Variants in ZC3H12B observed in about 807,000 individuals in gnomAD.
The protein encoded by ZC3H12B is probable ribonuclease ZC3H12B.
Under a neutral mutation model 43.9 loss-of-function variants are expected in ZC3H12B, and 7 were observed. The ratio of observed to expected loss-of-function variants is 0.16; its 90% CI spans 0.09 to 0.30. The LOEUF is 0.30. Among genes scored for constraint, ZC3H12B ranks in the 10% least tolerant of loss-of-function variants. ZC3H12B has a pLI of 1.00. For missense variants in ZC3H12B, 475 were observed against 670.2 expected (o/e 0.71, Z 3.22); for synonymous variants, 222 against 241.7 (o/e 0.92, Z 0.76).
At chrX:65,441,166 G>C (rs767335882) in intron 3 of ZC3H12B, among the ~76,000 whole-genome samples, 1 of 111,518 alleles carries the variant, frequency 9.0e-6, no homozygotes, top group Non-Finnish European at 1.9e-5. Context: ...CTCCCATTGC[G>C]GTAATAAATC....
At chrX:65,236,042 G>T in the ZC3H12B span, among the ~76,000 whole-genome samples, 1 of 111,748 alleles carries the variant, frequency 8.9e-6, no homozygotes, top group Non-Finnish European at 1.9e-5. Flanking sequence ...TAGAATGGAG[G>T]AATGCCTGCT....
chrX:65,264,975 A>G, the ZC3H12B span, among the ~76,000 whole-genome samples: 1 of 111,670 alleles, frequency 9.0e-6, no homozygotes, highest in African/African-American at 3.2e-5. Context: ...TAGGGAGGAG[A>G]AATAGTCACA....
At chrX:65,453,136 G>T (rs1201366052) in intron 3 of ZC3H12B, among the ~76,000 whole-genome samples, 1 of 106,934 alleles carries the variant, frequency 9.4e-6, no homozygotes, top group African/African-American at 3.4e-5. Flanking sequence ...AAACAGCATG[G>T]TACTGGTATA....
Position 65,475,482 on chromosome X carries a change from C to T in ZC3H12B, n.408-13164C>T, listed in dbSNP as rs1346857913. 2.8e-5 allele frequency among the ~76,000 whole-genome samples: 3 copies of T among 108,982 alleles called. No homozygotes were observed. In the East Asian group the frequency reaches 8.6e-4, roughly 31 times the overall value. The allele number at this position is 108,982 out of a possible 115,157, so 94.6% of individuals were successfully genotyped here. ...AGGACTTTGAATATATGTTCCTACTCTTTACTGGATTGCAAGATTTCTGTT... is the reference window on the plus strand; with the variant it reads ...AGGACTTTGAATATATGTTCCTACTTTTTACTGGATTGCAAGATTTCTGTT... On this transcript the variant is annotated intron_variant and non_coding_transcript_variant, in intron 3 of 5. Transcript: ENST00000617377.
At chrX:65,128,967 T>G in the ZC3H12B span, among the ~76,000 whole-genome samples, 3 of 111,213 alleles carry the variant, frequency 2.7e-5, no homozygotes, top group Non-Finnish European at 3.8e-5. Context: ...GGTGGCATAT[T>G]GTTAGGTCAT....
At chrX:65,144,247 G>T in the ZC3H12B span, among the ~76,000 whole-genome samples, 1 of 111,045 alleles carries the variant, frequency 9.0e-6, no homozygotes, top group African/African-American at 3.3e-5. Context: ...TCTCTTCTAG[G>T]TTTTCTAGTT....
At chrX:65,232,220 GAC>G in the ZC3H12B span, among the ~76,000 whole-genome samples, 3 of 111,045 alleles carry the variant, frequency 2.7e-5, no homozygotes, top group Non-Finnish European at 5.7e-5. Context: ...CAGCCTGGGT[GAC>G]AGAGTAAGAC....
the ZC3H12B span, among the ~76,000 whole-genome samples, chrX:65,325,145 T>G: frequency 9.0e-6 from 1 of 111,312 alleles, no homozygotes; most frequent in East Asian, 2.8e-4. Flanking sequence ...GGAATACCTT[T>G]TTCTATTCTT....
At chrX:65,488,699 G>T (rs1294036521), upstream of ZC3H12B, 8 of 1,013,914 alleles carry the variant, frequency 7.9e-6, no homozygotes, top group Non-Finnish European at 1.0e-5. Flanking sequence ...TTGCACCATC[G>T]CTACCACGAC....
the ZC3H12B span, among the ~76,000 whole-genome samples, chrX:65,075,672 T>C: frequency 6.3e-5 from 7 of 111,638 alleles, no homozygotes; most frequent in Non-Finnish European, 1.1e-4. Flanking sequence ...GGGAGTATGG[T>C]GAGTGAGTGC....
At chrX:65,442,644 G>C (rs997035432) in intron 3 of ZC3H12B, among the ~76,000 whole-genome samples, 1 of 112,163 alleles carries the variant, frequency 8.9e-6, no homozygotes, top group African/African-American at 3.2e-5. Context: ...GCAGGAGTTA[G>C]ACAAGCTCGA....
chrX:65,185,268 G>C, the ZC3H12B span: 8 of 111,931 alleles, frequency 7.1e-5, no homozygotes, highest in Non-Finnish European at 1.3e-4. Flanking sequence ...CTTCAAATCT[G>C]CCTTTAAGAC....
At chrX:65,056,139 A>G in the ZC3H12B span, among the ~76,000 whole-genome samples, 1 of 111,377 alleles carries the variant, frequency 9.0e-6, no homozygotes, top group Non-Finnish European at 1.9e-5. Flanking sequence ...TAGCTTTTGA[A>G]CGTGTTTGCT....
chrX:65,159,091 G>A, the ZC3H12B span, among the ~76,000 whole-genome samples: 8 of 111,422 alleles, frequency 7.2e-5, no homozygotes, highest in Admixed American at 9.6e-5. Flanking sequence ...GTAGATATGC[G>A]GCATTATTTC....
At chrX:65,115,036 A>C in the ZC3H12B span, among the ~76,000 whole-genome samples, 2 of 100,647 alleles carry the variant, frequency 2.0e-5, no homozygotes, top group Non-Finnish European at 3.9e-5. Flanking sequence ...TAGGGGGCAC[A>C]TGAAATTTTT....
chrX:65,489,537 C>A, intron 1 of ZC3H12B, 128 bp downstream of exon 6: 1 of 839,041 alleles, frequency 1.2e-6, no homozygotes, highest in African/African-American at 2.0e-5. Flanking sequence ...TGAAGGTGGC[C>A]AGAGACTAAA....
chrX:65,351,004 C>T, the ZC3H12B span, among the ~76,000 whole-genome samples: 22 of 111,808 alleles, frequency 2.0e-4, no homozygotes, highest in South Asian at 1.9e-3. Flanking sequence ...AAAAAGAGCA[C>T]GCATAAACAA....
At chrX:65,162,263 A>T in the ZC3H12B span, among the ~76,000 whole-genome samples, 3 of 110,498 alleles carry the variant, frequency 2.7e-5, no homozygotes. Context: ...GCTCTTCTCG[A>T]GGAGTATTTT....
the ZC3H12B span, among the ~76,000 whole-genome samples, chrX:65,274,999 T>A: frequency 8.9e-6 from 1 of 111,868 alleles, no homozygotes; most frequent in Non-Finnish European, 1.9e-5. Context: ...CCAGCAGCAG[T>A]GTATCCATAT....
Sources: allele counts gnomAD v4.1 joint callset (sites outside exome capture counted in the v4.1 genomes callset), GRCh38; gene constraint gnomAD v4.1.1; transcripts MANE v1.5; gene names NCBI Gene and HGNC (gene_info 2026-07-23, HGNC 2026-07-21).